SRFBP1: variants seen among roughly 807,000 people sequenced by gnomAD.
The protein encoded by SRFBP1 is serum response factor-binding protein 1.
In SRFBP1, 47 loss-of-function variants were observed where a neutral mutation model predicts 45.5. That is an observed-to-expected ratio of 1.03 (90% confidence interval 0.82 to 1.32). SRFBP1 has a LOEUF of 1.32. Ranked by LOEUF, SRFBP1 falls within the 40% of genes most tolerant of loss-of-function variation. The pLI is 0.00. For synonymous variants in SRFBP1, 203 were observed against 166.3 expected (o/e 1.22, Z -1.70); for missense variants, 621 against 484.6 (o/e 1.28, Z -2.64).
intron 2 of SRFBP1, among the ~76,000 whole-genome samples, chr5:122,039,268 G>C (rs1012163667): frequency 6.6e-6 from 1 of 152,156 alleles, no homozygotes; most frequent in Non-Finnish European, 1.5e-5. Flanking sequence ...GGTATATCCA[G>C]AATTGATGGA....
intron 3 of SRFBP1, among the ~76,000 whole-genome samples, chr5:121,981,356 C>T (rs1365960292): frequency 2.0e-5 from 3 of 152,068 alleles, no homozygotes; most frequent in Non-Finnish European, 2.9e-5. Flanking sequence ...AAAATGAGCA[C>T]GTTTAAAAAC....
intron 1 of SRFBP1, among the ~76,000 whole-genome samples, chr5:121,965,749 G>T (rs1752050172): frequency 1.3e-5 from 2 of 152,076 alleles, no homozygotes; most frequent in Admixed American, 1.3e-4. Context: ...AGCTTGATGG[G>T]GATAGCTTTA....
At chr5:122,049,605 A>G (rs1753930322) in intron 2 of SRFBP1, among the ~76,000 whole-genome samples, 1 of 151,772 alleles carries the variant, frequency 6.6e-6, no homozygotes, top group African/African-American at 2.4e-5. Context: ...ACTTATACCA[A>G]TATTGACCAC....
chr5:122,074,594 C>T (rs1018865609), intron 2 of SRFBP1, among the ~76,000 whole-genome samples: 1 of 152,158 alleles, frequency 6.6e-6, no homozygotes, highest in Non-Finnish European at 1.5e-5. Flanking sequence ...ATTGAGTTCT[C>T]ACATATTTAA....
At chr5:122,056,928 A>AC (rs1164535101) in intron 2 of SRFBP1, among the ~76,000 whole-genome samples, 2 of 152,204 alleles carry the variant, frequency 1.3e-5, no homozygotes, top group Non-Finnish European at 2.9e-5. Flanking sequence ...GGGATATGAA[A>AC]CCAGTGAAGA....
chr5:122,013,599 A>T (rs1355517037), intron 4 of SRFBP1, among the ~76,000 whole-genome samples: 1 of 152,176 alleles, frequency 6.6e-6, no homozygotes, highest in Non-Finnish European at 1.5e-5. Context: ...ACAAAACAGC[A>T]GAAAAAGAAC....
chr5:122,030,079 A>G (rs913379780), downstream of SRFBP1, among the ~76,000 whole-genome samples: 1 of 152,192 alleles, frequency 6.6e-6, no homozygotes, highest in Non-Finnish European at 1.5e-5. Flanking sequence ...AGAGTTCAAT[A>G]TTTGTTTAGA....
At chr5:122,010,919 A>G (rs1035228647) in intron 4 of SRFBP1, among the ~76,000 whole-genome samples, 1 of 152,086 alleles carries the variant, frequency 6.6e-6, no homozygotes, top group Non-Finnish European at 1.5e-5. Flanking sequence ...TTGAGTTTAT[A>G]TTTGATAATA....
At chr5:122,036,403 G>A (rs1336248863) in intron 2 of SRFBP1, among the ~76,000 whole-genome samples, 2 of 152,104 alleles carry the variant, frequency 1.3e-5, no homozygotes, top group Admixed American at 6.5e-5. Flanking sequence ...TGCACAAGTT[G>A]TCACACATTG....
At chr5:121,976,491 CTA>C (rs1471207207) in intron 3 of SRFBP1, among the ~76,000 whole-genome samples, 6 of 151,786 alleles carry the variant, frequency 4.0e-5, no homozygotes, top group Admixed American at 2.0e-4. Flanking sequence ...AATGATATTC[CTA>C]TGAGAAATAA....
chr5:122,033,520 G>T (rs537641844), downstream of SRFBP1, among the ~76,000 whole-genome samples: 1 of 151,760 alleles, frequency 6.6e-6, no homozygotes, highest in East Asian at 2.0e-4. Context: ...GAGTGCACTG[G>T]TGCCATCTTG....
intron 2 of SRFBP1, among the ~76,000 whole-genome samples, chr5:122,057,458 TCTGTGTGTG>T (rs1157392336): frequency 6.0e-4 from 29 of 48,184 alleles, no homozygotes; most frequent in Non-Finnish European, 1.1e-3. Context: ...TGTTCTCAGT[TCTGTGTGTG>T]TGTGTGTGTG....
chr5:122,066,097 A>G (rs759099201), intron 2 of SRFBP1: 14 of 152,232 alleles, frequency 9.2e-5, no homozygotes, highest in Non-Finnish European at 1.6e-4. Flanking sequence ...TCAAAATGAA[A>G]TTGTGCACTT....
At chr5:121,982,880 G>T (rs1752439177) in intron 3 of SRFBP1, among the ~76,000 whole-genome samples, 2 of 150,604 alleles carry the variant, frequency 1.3e-5, no homozygotes, top group Admixed American at 6.6e-5. Flanking sequence ...TTTTTGTTTT[G>T]TAATTCTGGA....
intron 1 of SRFBP1, among the ~76,000 whole-genome samples, 179 bp from the exon 2 acceptor site, chr5:121,974,017 T>C (rs1752252402): frequency 6.6e-6 from 1 of 151,902 alleles, no homozygotes; most frequent in Non-Finnish European, 1.5e-5. Flanking sequence ...ATTTTTAGAC[T>C]GTTGATTTAT....
downstream of SRFBP1, chr5:122,076,814 A>G: frequency 1.6e-6 from 2 of 1,239,900 alleles, no homozygotes. Flanking sequence ...TGCGCGAAGC[A>G]GTAGCAGTCA....
chr5:122,059,855 C>G (rs529330016), intron 2 of SRFBP1, among the ~76,000 whole-genome samples: 6 of 152,056 alleles, frequency 3.9e-5, no homozygotes, highest in Non-Finnish European at 5.9e-5. Flanking sequence ...GGTCAAAGAC[C>G]AAGAACAGGA....
At chr5:122,023,457 C>T (rs1181117654) in intron 7 of SRFBP1, among the ~76,000 whole-genome samples, 1 of 152,076 alleles carries the variant, frequency 6.6e-6, no homozygotes, top group African/African-American at 2.4e-5. Flanking sequence ...CCATGATATA[C>T]CATGTATCGA....
intron 2 of SRFBP1, among the ~76,000 whole-genome samples, chr5:122,049,625 A>G (rs1030435425): frequency 2.6e-5 from 4 of 152,006 alleles, no homozygotes; most frequent in Admixed American, 2.6e-4. Flanking sequence ...CACATTTGGA[A>G]GTAAAGCACT....
Sources: gnomAD v4.1 joint callset for allele counts (sites outside exome capture counted in the v4.1 genomes callset) on GRCh38, gnomAD v4.1.1 for gene constraint, MANE v1.5 for transcripts, NCBI Gene and HGNC (gene_info 2026-07-23, HGNC 2026-07-21) for gene names.